The following PSG11 variants were observed in gnomAD, a reference collection of about 807,000 sequenced individuals.
The protein encoded by PSG11 is pregnancy-specific beta-1-glycoprotein 11.
In PSG11, 42 loss-of-function variants were observed where a neutral mutation model predicts 36.0. The observed-to-expected ratio is 1.17, with a 90% confidence interval of 0.91 to 1.51. The LOEUF is 1.51. Among genes scored for constraint, PSG11 ranks in the 40% most tolerant of loss-of-function variants. PSG11 has a pLI of 0.00. For missense variants in PSG11, 558 were observed against 403.5 expected (o/e 1.38, Z -3.28); for synonymous variants, 206 against 153.5 (o/e 1.34, Z -2.53).
At position 43,014,520 on chromosome 19, in the gene PSG11, A is replaced by T. The variant is rs1022871816; in HGVS notation, c.964+596T>A. ...CCTGGCCCGGGGGAGGCTTGGCTTG[A>T]ACTGGCAGCTCAATTTAGCCAAATT... On this transcript the variant is annotated intron_variant, in intron 4 of 5. Transcript: ENST00000320078. 4 of 980,414 alleles carry T rather than the reference A, an allele frequency of 4.1e-6. No homozygotes were observed. In the African/African-American group the frequency reaches 7.1e-5, roughly 17 times the overall value. 60.7% of individuals were successfully genotyped at this position (980,414 alleles called of 1,614,324 possible). A position where few individuals can be genotyped will look rare whatever the true frequency, so the allele number is the denominator to read the frequency against.
At chr19:43,009,878 C>T (rs534111401) in intron 5 of PSG11, 80 bp downstream of exon 5, 1 of 1,131,678 alleles carries the variant, frequency 8.8e-7, no homozygotes, top group Admixed American at 1.8e-5. Context: ...GGCCCAGATA[C>T]AGGCAAATAA....
rs1330874219 is a variant in PSG11, at chr19:43,019,137, T to A, written c.431-89A>T. ...TCAATCAGAATTGGCATTTGCCACC[T>A]CTCAGCCCACCCGAGTCCCTAAAAG... is the stretch of plus-strand genomic sequence containing the variant. On this transcript the variant is annotated intron_variant, in intron 2 of 5. Transcript: ENST00000320078. 2.8e-5 allele frequency: 44 copies of A among 1,551,298 alleles called. 2 individuals carry two copies. Among genetic ancestry groups the A allele is most frequent in the Admixed American group, 1.1e-4 (6 of 52,826 alleles).
intron 4 of PSG11, chr19:43,014,780 G>T: frequency 1.6e-6 from 2 of 1,218,304 alleles, no homozygotes; most frequent in South Asian, 2.6e-5. Context: ...AGACGTGACA[G>T]AAGGGGATGA....
chr19:43,022,713 C>G (rs1286045681), intron 2 of PSG11, among the ~76,000 whole-genome samples: 2 of 151,258 alleles, frequency 1.3e-5, no homozygotes, highest in Non-Finnish European at 2.9e-5. Context: ...AGGTCAGCCT[C>G]ACAAAGGGGA....
At chr19:43,012,530 A>G (rs552865384) in intron 4 of PSG11, among the ~76,000 whole-genome samples, 15 of 149,180 alleles carry the variant, frequency 1.0e-4, no homozygotes, top group Non-Finnish European at 2.1e-4. Flanking sequence ...TAAGAAAAAT[A>G]ATTTCAATTT....
In PSG11 at chr19:43,024,694, A is replaced by G. The variant is rs763379050; in HGVS notation, c.427T>C (p.Tyr143His). The G allele has an allele frequency of 6.2e-6, 10 of 1,610,508 alleles. No homozygotes were observed. Among genetic ancestry groups the G allele is most frequent in the Admixed American group, 3.3e-5 (2 of 59,822 alleles). The change falls in exon 2 of 6, where the codon TAC (tyrosine) becomes CAC (histidine). Residue 143 changes from tyrosine to histidine, a missense_variant. Physicochemically the swap from Tyr to His is moderately conservative, Grantham distance 83 (BLOSUM62 2). Coordinates refer to ENST00000320078, the MANE Select transcript of PSG11 (RefSeq NM_002785.3). ...GVTGYFTFTLYLETPKPSISS... is the reference protein window; with the variant it reads ...GVTGYFTFTLHLETPKPSISS... The stretch of plus-strand genomic sequence containing the variant: ...GGGATCATGTGGAATCACTTACGGT[A>G]TAAGGTGAAGGTGAAATATCCAGTT...
At chr19:43,021,178 A>G (rs987354905) in intron 2 of PSG11, among the ~76,000 whole-genome samples, 1 of 151,482 alleles carries the variant, frequency 6.6e-6, no homozygotes, top group African/African-American at 2.4e-5. Context: ...TGCTATTGTC[A>G]AAACAAAATA....
intron 4 of PSG11, among the ~76,000 whole-genome samples, chr19:43,013,184 C>T (rs1226778649): frequency 1.3e-5 from 2 of 151,304 alleles, no homozygotes; most frequent in Admixed American, 1.3e-4. Context: ...AGAAGAAAAG[C>T]TTCATGATAC....
In PSG11 at chr19:43,015,338, C is replaced by A. The variant is rs1313013888; in HGVS notation, c.742G>T (p.Val248Phe). ...GPDLPRIFPSVTSYYSGENLD... is the reference protein window; with the variant it reads ...GPDLPRIFPSFTSYYSGENLD... ...TTCTCTCCTGAATAGTAAGAGGTGACTGAAGGGAAAATTCTGGGGAGGTCT... is the reference window on the plus strand; with the variant it reads ...TTCTCTCCTGAATAGTAAGAGGTGAATGAAGGGAAAATTCTGGGGAGGTCT... The change falls in exon 4 of 6, where the codon GTC (valine) becomes TTC (phenylalanine). Residue 248 changes from valine to phenylalanine, a missense_variant. Val to Phe is a conservative substitution (Grantham distance 50). Transcript: ENST00000320078. The A allele has an allele frequency of 6.2e-7, 1 of 1,610,576 alleles. No individual in the cohort carries two copies. The highest frequency in any genetic ancestry group is 2.2e-5 in the East Asian group (1 of 44,784).
intron 3 of PSG11, chr19:43,016,169 G>A (rs2354823): frequency 0.48 from 670,276 of 1,402,458 alleles, 174,428 homozygotes; most frequent in East Asian, 1. Flanking sequence ...GCCAATAGCT[G>A]GTGCGTGTGT....
intron 1 of PSG11, chr19:43,025,293 C>G: frequency 4.0e-6 from 3 of 750,548 alleles, no homozygotes; most frequent in Non-Finnish European, 6.0e-6. Flanking sequence ...CCCATTCCTT[C>G]AACACTTCTG....
At chr19:43,024,655 T>C (rs1205680694) in intron 2 of PSG11, 36 bp downstream of exon 2, 3 of 1,609,096 alleles carry the variant, frequency 1.9e-6, no homozygotes, top group Admixed American at 3.3e-5. Context: ...GTGACCCCTG[T>C]CCCCCAACAC....
intron 2 of PSG11, chr19:43,019,604 T>C (rs1408890523): frequency 1.3e-5 from 2 of 158,804 alleles, no homozygotes; most frequent in Non-Finnish European, 2.8e-5. Context: ...GGAGGTCAGT[T>C]CAGTCATCAG....
chr19:43,008,338 T>A (rs1599665341), intron 5 of PSG11, among the ~76,000 whole-genome samples: 1 of 151,278 alleles, frequency 6.6e-6, no homozygotes. Context: ...AGTGGTGCAA[T>A]CTCAGTTCAC....
At position 43,012,617 on chromosome 19, in the gene PSG11, A is replaced by G. The variant is rs181958219; in HGVS notation, c.964+2499T>C. 4.3e-3 allele frequency among the ~76,000 whole-genome samples: 646 copies of G among 151,544 alleles called. 17 individuals carry two copies. The highest frequency in any genetic ancestry group is 7.6e-3 in the Non-Finnish European group (514 of 67,888). On this transcript the variant is annotated intron_variant, in intron 4 of 5. Transcript: ENST00000320078. ...TGATTATACCTGAAATCTGCAAAAT[A>G]TTGCTGAAAGAAATGAAAGACAATA...
rs867514380 is a variant in PSG11 at position 43,018,400 on chromosome 19, C to G, written c.709+370G>C. On this transcript the variant is annotated intron_variant, in intron 3 of 5. Transcript: ENST00000320078. ...GCAAAGAGAATAAAGTCACAGGTGA[C>G]ATTGTCAGAGGGAAGGGAAAATCCT... 297 of 398,590 alleles carry G rather than the reference C, an allele frequency of 7.5e-4. 6 individuals are homozygous for G. The South Asian group carries it at 7.8e-3, about 10-fold the overall frequency. 24.7% of individuals were successfully genotyped at this position (398,590 alleles called of 1,614,324 possible). A position where few individuals can be genotyped will look rare whatever the true frequency, so the allele number is the denominator to read the frequency against.
At chr19:43,024,655 T>A (rs1205680694) in intron 2 of PSG11, 36 bp downstream of exon 2, 7 of 1,609,214 alleles carry the variant, frequency 4.3e-6, no homozygotes, top group Non-Finnish European at 5.9e-6. Flanking sequence ...GTGACCCCTG[T>A]CCCCCAACAC....
chr19:43,010,943 C>T (rs556088629), intron 4 of PSG11, among the ~76,000 whole-genome samples: 2 of 149,812 alleles, frequency 1.3e-5, no homozygotes, highest in Admixed American at 6.7e-5. Context: ...TTGAGGGGCA[C>T]TTCCTATGTG....
intron 2 of PSG11, among the ~76,000 whole-genome samples, chr19:43,023,107 GC>G (rs1967143074): frequency 6.6e-6 from 1 of 150,764 alleles, no homozygotes; most frequent in Non-Finnish European, 1.5e-5. Context: ...GGACCAAGGA[GC>G]CCCGAGAACC....
Sources: gnomAD v4.1 joint callset for allele counts (sites outside exome capture counted in the v4.1 genomes callset) on GRCh38, gnomAD v4.1.1 for gene constraint, MANE v1.5 for transcripts, NCBI Gene and HGNC (gene_info 2026-07-23, HGNC 2026-07-21) for gene names.